Variants in PTPN2 observed in about 807,000 individuals in gnomAD.
PTPN2 encodes tyrosine-protein phosphatase non-receptor type 2.
PTPN2 carries 19 observed loss-of-function variants against 57.3 expected under a neutral mutation model. The ratio of observed to expected loss-of-function variants is 0.33; its 90% CI spans 0.23 to 0.49. PTPN2 has a LOEUF of 0.49. Among genes scored for constraint, PTPN2 ranks in the 20% least tolerant of loss-of-function variants. The pLI is 0.99. For synonymous variants in PTPN2, 153 were observed against 164.9 expected (o/e 0.93, Z 0.55); for missense variants, 358 against 501.1 (o/e 0.71, Z 2.73).
chr18:12,824,949 G>A (rs2042397917), intron 5 of PTPN2, among the ~76,000 whole-genome samples: 1 of 152,130 alleles, frequency 6.6e-6, no homozygotes, highest in African/African-American at 2.4e-5. Context: ...AATTAGGTAT[G>A]GTGGCTCATG....
chr18:12,794,140 T>C lies in PTPN2; in HGVS notation c.*138A>G. The C allele has an allele frequency of 6.8e-7, 1 of 1,468,900 alleles. No homozygotes were observed. Among genetic ancestry groups the C allele is most frequent in the Non-Finnish European group, 9.0e-7 (1 of 1,115,756 alleles). 91.0% of individuals were successfully genotyped at this position (1,468,900 alleles called of 1,614,324 possible). A position where few individuals can be genotyped will look rare whatever the true frequency, so the allele number is the denominator to read the frequency against. On this transcript the variant is annotated 3_prime_UTR_variant, in exon 9 of 9. Transcript: ENST00000309660. ...TCCTGAGATGTTGGGCTTGTGACTG[T>C]AAATATCACTTATCTGGTTGATGTC...
chr18:12,855,656 C>T (rs1190355846), intron 2 of PTPN2, among the ~76,000 whole-genome samples: 2 of 152,112 alleles, frequency 1.3e-5, no homozygotes, highest in East Asian at 3.9e-4. Flanking sequence ...AACACGGTGG[C>T]AGTGGGGCAG....
intron 7 of PTPN2, among the ~76,000 whole-genome samples, chr18:12,805,960 T>C (rs2041634574): frequency 6.6e-6 from 1 of 152,002 alleles, no homozygotes; most frequent in African/African-American, 2.4e-5. Context: ...TTATTCAGCA[T>C]AATACTGTAA....
chr18:12,807,585 AAAT>A (rs1442730043), intron 7 of PTPN2, among the ~76,000 whole-genome samples: 9 of 79,420 alleles, frequency 1.1e-4, no homozygotes, highest in African/African-American at 3.4e-4. Flanking sequence ...AAAAAAAAAA[AAAT>A]ATATATATAT....
At chr18:12,826,006 T>C (rs1011731487) in intron 4 of PTPN2, 62 bp from the exon 5 acceptor site, 10 of 1,395,074 alleles carry the variant, frequency 7.2e-6, no homozygotes, top group Non-Finnish European at 8.8e-6. Context: ...AACCATAAAG[T>C]TAAAAAATGA....
At chr18:12,813,555 G>A (rs985069922) in intron 7 of PTPN2, among the ~76,000 whole-genome samples, 1 of 152,124 alleles carries the variant, frequency 6.6e-6, no homozygotes, top group Non-Finnish European at 1.5e-5. Flanking sequence ...GTTCACACAT[G>A]AGAAACATAA....
chr18:12,790,140 G>C (rs2040947605), downstream of PTPN2, among the ~76,000 whole-genome samples: 1 of 151,866 alleles, frequency 6.6e-6, no homozygotes, highest in South Asian at 2.1e-4. Flanking sequence ...GGCTGATCTT[G>C]AACAAACTCC....
intron 9 of PTPN2, chr18:12,785,852 A>C: frequency 6.2e-7 from 1 of 1,601,568 alleles, no homozygotes; most frequent in Non-Finnish European, 8.6e-7. Context: ...GGCCTAAAAC[A>C]TAAAATAAGA....
chr18:12,863,274 C>G (rs930171929), intron 1 of PTPN2: 1 of 151,968 alleles, frequency 6.6e-6, no homozygotes, highest in African/African-American at 2.4e-5. Context: ...CTGGGCAACA[C>G]AGTAAGACAC....
At chr18:12,812,797 T>C (rs2145297946) in intron 7 of PTPN2, among the ~76,000 whole-genome samples, 1 of 152,196 alleles carries the variant, frequency 6.6e-6, no homozygotes, top group East Asian at 1.9e-4. Context: ...AGGATAAAGA[T>C]GTTTCCAATA....
chr18:12,789,528 G>C (rs1425070475), downstream of PTPN2, among the ~76,000 whole-genome samples: 1 of 152,242 alleles, frequency 6.6e-6, no homozygotes, highest in Non-Finnish European at 1.5e-5. Flanking sequence ...ACGCAGAACA[G>C]GCATTTCTGC....
chr18:12,804,306 A>AAAAAG (rs1555659763), intron 7 of PTPN2, among the ~76,000 whole-genome samples: 1 of 150,430 alleles, frequency 6.6e-6, no homozygotes, highest in African/African-American at 2.4e-5. Context: ...AAAAAAAAAA[A>AAAAAG]AAAGAAAAAG....
At chr18:12,810,106 C>A (rs1230578207) in intron 7 of PTPN2, among the ~76,000 whole-genome samples, 1 of 152,014 alleles carries the variant, frequency 6.6e-6, no homozygotes, top group South Asian at 2.1e-4. Flanking sequence ...TGCTTGAACC[C>A]GGGAGGCCGA....
At position 12,856,578 on chromosome 18, in the gene PTPN2, A is replaced by C. The variant is rs201062964; in HGVS notation, c.160+2586T>G. On this transcript the variant is annotated intron_variant, in intron 2 of 8. Coordinates refer to ENST00000309660, the MANE Select transcript of PTPN2 (RefSeq NM_002828.4). ...AGGCATACAGGAAGAGCCTGGTCCC[A>C]ATGATGATGGAGGGAGGCCTGATAA... 3.9e-5 allele frequency among the ~76,000 whole-genome samples: 6 copies of C among 152,258 alleles called. No individual in the cohort carries two copies. In the East Asian group the frequency reaches 1.2e-3, roughly 29 times the overall value.
chr18:12,826,374 G>T (rs956602673), intron 4 of PTPN2, among the ~76,000 whole-genome samples: 1 of 152,152 alleles, frequency 6.6e-6, no homozygotes, highest in Non-Finnish European at 1.5e-5. Context: ...CTGCACTCCA[G>T]TCTGGGTGAC....
chr18:12,800,738 T>C (rs532528028), intron 8 of PTPN2, among the ~76,000 whole-genome samples: 2 of 152,156 alleles, frequency 1.3e-5, no homozygotes, highest in African/African-American at 4.8e-5. Context: ...AAATTCCCCA[T>C]GATAAGAAGT....
At chr18:12,815,412 A>C (rs1236209732) in intron 6 of PTPN2, among the ~76,000 whole-genome samples, 2 of 151,260 alleles carry the variant, frequency 1.3e-5, no homozygotes, top group African/African-American at 2.4e-5. Context: ...CTTCGTCTCA[A>C]ATAAATAAAT....
chr18:12,829,707 T>C (rs1008477363), intron 4 of PTPN2, among the ~76,000 whole-genome samples: 1 of 152,174 alleles, frequency 6.6e-6, no homozygotes, highest in Non-Finnish European at 1.5e-5. Context: ...TGAGAACAGA[T>C]GACCTCAATA....
chr18:12,870,351 G>A (rs12958615), intron 1 of PTPN2, among the ~76,000 whole-genome samples: 2,081 of 28,410 alleles, frequency 0.073, 319 homozygotes, highest in East Asian at 0.21. Flanking sequence ...ACATATATAT[G>A]TGTATATATA....
Sources: gnomAD v4.1 joint callset for allele counts (sites outside exome capture counted in the v4.1 genomes callset) on GRCh38, gnomAD v4.1.1 for gene constraint, MANE v1.5 for transcripts, NCBI Gene and HGNC (gene_info 2026-07-23, HGNC 2026-07-21) for gene names.